The following ROBO2 variants were observed in gnomAD, a reference collection of about 807,000 sequenced individuals.
ROBO2 encodes roundabout homolog 2.
ROBO2 carries 53 observed loss-of-function variants against 160.8 expected under a neutral mutation model. That is an observed-to-expected ratio of 0.33 (90% CI 0.26 to 0.41). ROBO2 has a LOEUF of 0.41. Among genes scored for constraint, ROBO2 ranks in the 10% least tolerant of loss-of-function variants. The pLI is 1.00. For synonymous variants in ROBO2, 664 were observed against 611.7 expected (o/e 1.09, Z -1.26); for missense variants, 1,577 against 1,722.4 (o/e 0.92, Z 1.49).
chr3:77,410,651 C>T (rs1195244479), intron 2 of ROBO2, among the ~76,000 whole-genome samples: 1 of 125,768 alleles, frequency 8.0e-6, no homozygotes, highest in East Asian at 2.4e-4. Flanking sequence ...CCTCTTTCTC[C>T]TCCTCTTCTT....
chr3:76,924,980 G>C (rs939550950), intron 2 of ROBO2, among the ~76,000 whole-genome samples: 2 of 151,886 alleles, frequency 1.3e-5, no homozygotes, highest in Non-Finnish European at 2.9e-5. Flanking sequence ...AGGCCGAGGC[G>C]GGCGGATCAC....
intron 2 of ROBO2, among the ~76,000 whole-genome samples, chr3:76,020,063 GT>G (rs1488006070): frequency 2.6e-5 from 4 of 151,948 alleles, no homozygotes; most frequent in Admixed American, 2.6e-4. Context: ...TTCTTCATAT[GT>G]TTTGAGACAA....
intron 2 of ROBO2, among the ~76,000 whole-genome samples, chr3:76,379,257 A>G (rs1320713336): frequency 6.6e-6 from 1 of 152,212 alleles, no homozygotes; most frequent in Non-Finnish European, 1.5e-5. Flanking sequence ...GAAATGTCTC[A>G]ATGTAGTCCT....
chr3:76,145,873 A>G (rs975949084), intron 2 of ROBO2, among the ~76,000 whole-genome samples: 2 of 152,014 alleles, frequency 1.3e-5, no homozygotes, highest in South Asian at 2.1e-4. Flanking sequence ...TCACCTGTCT[A>G]TATTTTACTT....
chr3:76,992,684 AAC>A (rs2060755231), intron 2 of ROBO2, among the ~76,000 whole-genome samples: 1 of 152,014 alleles, frequency 6.6e-6, no homozygotes, highest in African/African-American at 2.4e-5. Flanking sequence ...CCTGTTGCTG[AAC>A]AGAAATCTAT....
At chr3:76,553,443 T>TA (rs1369768824) in intron 2 of ROBO2, among the ~76,000 whole-genome samples, 2 of 152,164 alleles carry the variant, frequency 1.3e-5, no homozygotes, top group Non-Finnish European at 2.9e-5. Context: ...ATTGTGAACT[T>TA]AGAGTTTCAG....
intron 2 of ROBO2, among the ~76,000 whole-genome samples, chr3:76,527,380 T>C (rs1434683859): frequency 6.6e-6 from 1 of 152,152 alleles, no homozygotes; most frequent in Non-Finnish European, 1.5e-5. Context: ...GCCATTGACA[T>C]TTTTCAAGTA....
intron 2 of ROBO2, among the ~76,000 whole-genome samples, chr3:77,449,735 C>A (rs1304240897): frequency 6.6e-6 from 1 of 151,910 alleles, no homozygotes; most frequent in Non-Finnish European, 1.5e-5. Context: ...GCTTAGCTAG[C>A]AAAATCTGAG....
At chr3:76,103,132 CA>C (rs1328891490) in intron 2 of ROBO2, among the ~76,000 whole-genome samples, 1 of 152,124 alleles carries the variant, frequency 6.6e-6, no homozygotes, top group African/African-American at 2.4e-5. Flanking sequence ...CAGACCTGAC[CA>C]TGTTTAAAAG....
chr3:76,191,056 G>T (rs1372191072), intron 2 of ROBO2, among the ~76,000 whole-genome samples: 1 of 152,062 alleles, frequency 6.6e-6, no homozygotes, highest in African/African-American at 2.4e-5. Flanking sequence ...GTTGTATCAA[G>T]ATAGCAACAG....
chr3:76,194,507 A>G (rs1318487157), intron 2 of ROBO2, among the ~76,000 whole-genome samples: 6 of 151,608 alleles, frequency 4.0e-5, no homozygotes, highest in Non-Finnish European at 5.9e-5. Flanking sequence ...TGCTGTCTGC[A>G]TAGTCACTGA....
chr3:75,945,306 A>G (rs1948237978), intron 2 of ROBO2, among the ~76,000 whole-genome samples: 1 of 152,140 alleles, frequency 6.6e-6, no homozygotes, highest in African/African-American at 2.4e-5. Context: ...GATAGTCAAG[A>G]AAGGCCACAC....
chr3:76,258,868 G>A (rs1195109088), intron 2 of ROBO2, among the ~76,000 whole-genome samples: 1 of 151,934 alleles, frequency 6.6e-6, no homozygotes, highest in African/African-American at 2.4e-5. Context: ...GACTGTAATT[G>A]AGTGTAAGCT....
At chr3:76,899,384 G>A (rs1011135925) in intron 2 of ROBO2, among the ~76,000 whole-genome samples, 7 of 151,992 alleles carry the variant, frequency 4.6e-5, no homozygotes, top group African/African-American at 1.4e-4. Context: ...ACAATACAAC[G>A]GAGGTAAAAA....
chr3:76,275,538 C>A (rs991905615), intron 2 of ROBO2, among the ~76,000 whole-genome samples: 14 of 152,054 alleles, frequency 9.2e-5, no homozygotes, highest in African/African-American at 3.1e-4. Flanking sequence ...ATTTCTAATA[C>A]ACAGAATGAG....
chr3:76,937,066 A>T (rs2077751480), intron 2 of ROBO2, among the ~76,000 whole-genome samples: 1 of 152,164 alleles, frequency 6.6e-6, no homozygotes, highest in African/African-American at 2.4e-5. Flanking sequence ...ACATTAATTG[A>T]GTCTCCATTT....
intron 5 of ROBO2, among the ~76,000 whole-genome samples, chr3:77,517,062 A>G (rs2090097742): frequency 6.6e-6 from 1 of 151,718 alleles, no homozygotes; most frequent in Non-Finnish European, 1.5e-5. Context: ...AAAGAAGACA[A>G]GAAATAAGGA....
chr3:75,961,680 C>G (rs1037400974), intron 2 of ROBO2, among the ~76,000 whole-genome samples: 1 of 151,438 alleles, frequency 6.6e-6, no homozygotes, highest in Non-Finnish European at 1.5e-5. Flanking sequence ...AACTGATCCT[C>G]TAAATAGATT....
At chr3:76,564,735 A>G (rs1459987135) in intron 2 of ROBO2, among the ~76,000 whole-genome samples, 2 of 152,214 alleles carry the variant, frequency 1.3e-5, no homozygotes, top group Admixed American at 1.3e-4. Context: ...TCGATTTCAT[A>G]GTTCACATTT....
Sources: allele counts gnomAD v4.1 joint callset (sites outside exome capture counted in the v4.1 genomes callset), GRCh38; gene constraint gnomAD v4.1.1; transcripts MANE v1.5; gene names NCBI Gene and HGNC (gene_info 2026-07-23, HGNC 2026-07-21).